The following MACROD2 variants were observed in gnomAD, a reference collection of about 807,000 sequenced individuals.
The protein encoded by MACROD2 is mono-ADP ribosylhydrolase 2.
A neutral mutation model predicts 70.4 loss-of-function variants in MACROD2; 36 were observed. That is an observed-to-expected ratio of 0.51 (90% CI 0.39 to 0.68). The LOEUF (loss-of-function observed/expected upper bound fraction) is 0.68, where lower values mean the gene tolerates loss of function less well. Ranked by LOEUF, MACROD2 falls within the 30% of genes least tolerant of loss-of-function variation. The pLI is 0.00. For missense variants in MACROD2, 496 were observed against 538.4 expected (o/e 0.92, Z 0.78); for synonymous variants, 172 against 178.8 (o/e 0.96, Z 0.30).
Position 14,833,544 on chromosome 20 carries a change from G to A in MACROD2, c.418+148585G>A, listed in dbSNP as rs73106531. 2.5e-3 allele frequency among the ~76,000 whole-genome samples: 375 copies of A among 152,092 alleles called. 5 individuals carry two copies. The highest frequency in any genetic ancestry group is 3.4e-3 in the Non-Finnish European group (231 of 67,952). Reference sequence around the variant, plus strand: ...TATCAAAGTTCACATCATAAGAAACGTAATTCTGGTAATAATCCTGAAGTT... The same window carrying A: ...TATCAAAGTTCACATCATAAGAAACATAATTCTGGTAATAATCCTGAAGTT... On this transcript the variant is annotated intron_variant, in intron 5 of 17. Transcript: ENST00000684519.
intron 3 of MACROD2, among the ~76,000 whole-genome samples, chr20:14,317,502 G>A (rs2082623068): frequency 6.6e-6 from 1 of 151,698 alleles, no homozygotes; most frequent in African/African-American, 2.4e-5. Flanking sequence ...TGTAGTCCCA[G>A]CTACTTGGGA....
chr20:15,420,791 G>A (rs1218821043), intron 6 of MACROD2, among the ~76,000 whole-genome samples: 2 of 152,138 alleles, frequency 1.3e-5, no homozygotes, highest in Non-Finnish European at 2.9e-5. Context: ...AACATCTAGA[G>A]TGTTGGTTGT....
At chr20:15,907,502 G>C (rs542493423) in intron 10 of MACROD2, among the ~76,000 whole-genome samples, 1 of 152,342 alleles carries the variant, frequency 6.6e-6, no homozygotes, top group African/African-American at 2.4e-5. Context: ...GTCAAATTTT[G>C]CTTGTCCATT....
intron 2 of MACROD2, among the ~76,000 whole-genome samples, chr20:14,016,202 T>A (rs897027738): frequency 1.1e-4 from 16 of 152,222 alleles, no homozygotes; most frequent in African/African-American, 3.4e-4. Context: ...TCTTTATAGA[T>A]GCTTATTGGC....
chr20:15,586,375 A>T (rs549134571), intron 8 of MACROD2, among the ~76,000 whole-genome samples: 3 of 152,300 alleles, frequency 2.0e-5, no homozygotes, highest in African/African-American at 7.2e-5. Flanking sequence ...ATTCACCATA[A>T]TCTCTTGAAA....
intron 3 of MACROD2, among the ~76,000 whole-genome samples, chr20:14,243,577 T>G (rs2081946238): frequency 6.6e-6 from 1 of 152,184 alleles, no homozygotes; most frequent in African/African-American, 2.4e-5. Context: ...ACAGCTCCGT[T>G]ATTCACTTTG....
intron 5 of MACROD2, among the ~76,000 whole-genome samples, chr20:15,175,565 A>T (rs1045039335): frequency 1.3e-5 from 2 of 152,224 alleles, no homozygotes; most frequent in East Asian, 1.9e-4. Context: ...CTGAATGCTA[A>T]TGGTAGACTT....
intron 5 of MACROD2, among the ~76,000 whole-genome samples, chr20:14,995,290 A>G (rs2074939705): frequency 6.6e-6 from 1 of 152,126 alleles, no homozygotes; most frequent in South Asian, 2.1e-4. Context: ...TACTTGGTAA[A>G]TTATAAGAAG....
chr20:15,659,492 G>T (rs139328827), intron 8 of MACROD2, among the ~76,000 whole-genome samples: 1 of 151,778 alleles, frequency 6.6e-6, no homozygotes, highest in Non-Finnish European at 1.5e-5. Context: ...GCATCAACCA[G>T]AAGTTTTTTG....
intron 6 of MACROD2, among the ~76,000 whole-genome samples, chr20:15,406,329 T>C (rs1236366247): frequency 2.0e-5 from 3 of 152,250 alleles, no homozygotes; most frequent in African/African-American, 7.2e-5. Context: ...CATCATATTC[T>C]GCTGCCAGGC....
chr20:14,511,869 A>G (rs6135162), intron 4 of MACROD2, among the ~76,000 whole-genome samples: 33,168 of 151,936 alleles, frequency 0.22, 4,170 homozygotes, highest in South Asian at 0.32. Flanking sequence ...AGAGCTTTTC[A>G]TGGAACCTCT....
intron 3 of MACROD2, among the ~76,000 whole-genome samples, chr20:14,087,143 C>A (rs2054086872): frequency 6.6e-6 from 1 of 152,044 alleles, no homozygotes; most frequent in Admixed American, 6.6e-5. Context: ...GCCTGTAAGC[C>A]CAGCACTTTG....
At chr20:15,443,989 A>G (rs2046529457) in intron 7 of MACROD2, among the ~76,000 whole-genome samples, 1 of 152,196 alleles carries the variant, frequency 6.6e-6, no homozygotes, top group African/African-American at 2.4e-5. Context: ...GTTTTATTAA[A>G]CTGTAATTCA....
intron 15 of MACROD2, among the ~76,000 whole-genome samples, chr20:16,021,122 A>G (rs1003242629): frequency 6.6e-6 from 1 of 152,144 alleles, no homozygotes; most frequent in African/African-American, 2.4e-5. Flanking sequence ...AAACTCAGGG[A>G]TATTCACCTT....
chr20:15,999,425 G>C (rs2066679187), intron 15 of MACROD2, among the ~76,000 whole-genome samples: 1 of 152,138 alleles, frequency 6.6e-6, no homozygotes, highest in Non-Finnish European at 1.5e-5. Context: ...TGTTCTGTGT[G>C]CGCTTGAAAA....
chr20:14,716,914 A>C (rs1004648578), intron 5 of MACROD2, among the ~76,000 whole-genome samples: 2 of 152,136 alleles, frequency 1.3e-5, no homozygotes, highest in Admixed American at 6.6e-5. Context: ...ATGCAGGTGA[A>C]GCCTTTTCAT....
intron 5 of MACROD2, among the ~76,000 whole-genome samples, chr20:15,208,555 G>GAA (rs2076731645): frequency 6.6e-6 from 1 of 152,146 alleles, no homozygotes; most frequent in Non-Finnish European, 1.5e-5. Context: ...CTCTGAAACT[G>GAA]TATCACACTC....
At chr20:15,008,597 A>T (rs980886541) in intron 5 of MACROD2, among the ~76,000 whole-genome samples, 1 of 152,154 alleles carries the variant, frequency 6.6e-6, no homozygotes, top group Non-Finnish European at 1.5e-5. Flanking sequence ...TAACTGTATT[A>T]CTAAGCAGAA....
At chr20:14,837,276 A>G (rs1049811594) in intron 5 of MACROD2, among the ~76,000 whole-genome samples, 1 of 152,078 alleles carries the variant, frequency 6.6e-6, no homozygotes, top group Non-Finnish European at 1.5e-5. Flanking sequence ...TACAAAGACA[A>G]ACTTATCATT....
Sources: allele counts gnomAD v4.1 joint callset (sites outside exome capture counted in the v4.1 genomes callset), GRCh38; gene constraint gnomAD v4.1.1; transcripts MANE v1.5; gene names NCBI Gene and HGNC (gene_info 2026-07-23, HGNC 2026-07-21).